Variants in AK5 observed in about 807,000 individuals in gnomAD.
The protein encoded by AK5 is adenylate kinase 5, also known as adenylate kinase isoenzyme 5.
AK5 carries 27 observed loss-of-function variants against 69.5 expected under a neutral mutation model. That is an observed-to-expected ratio of 0.39 (90% CI 0.29 to 0.54). The LOEUF is 0.54. Ranked by LOEUF, AK5 falls within the 20% of genes least tolerant of loss-of-function variation. The pLI is 0.71. For missense variants in AK5, 531 were observed against 700.4 expected (o/e 0.76, Z 2.73); for synonymous variants, 260 against 244.4 (o/e 1.06, Z -0.60).
At chr1:77,339,341 C>T (rs778367448) in intron 5 of AK5, among the ~76,000 whole-genome samples, 15 of 152,186 alleles carry the variant, frequency 9.9e-5, no homozygotes, top group African/African-American at 4.8e-5. Flanking sequence ...TTCATATAGT[C>T]GTGCTATGTT....
intron 6 of AK5, among the ~76,000 whole-genome samples, chr1:77,350,676 T>G (rs1366977972): frequency 2.0e-5 from 3 of 152,120 alleles, no homozygotes; most frequent in Non-Finnish European, 4.4e-5. Flanking sequence ...ATTGGAAAAG[T>G]TCTCTAAGGG....
chr1:77,292,866 A>T (rs1418250682), intron 2 of AK5, among the ~76,000 whole-genome samples: 1 of 152,130 alleles, frequency 6.6e-6, no homozygotes, highest in East Asian at 1.9e-4. Context: ...TATCAGAGAG[A>T]TACTCATTTT....
At chr1:77,324,482 G>A (rs1457306635) in intron 5 of AK5, among the ~76,000 whole-genome samples, 2 of 152,052 alleles carry the variant, frequency 1.3e-5, no homozygotes, top group Admixed American at 6.6e-5. Flanking sequence ...AAATTGCAAC[G>A]ACTGCCTAAC....
At chr1:77,432,782 G>A (rs1256447382) in intron 8 of AK5, among the ~76,000 whole-genome samples, 1 of 152,134 alleles carries the variant, frequency 6.6e-6, no homozygotes, top group African/African-American at 2.4e-5. Flanking sequence ...TACCTAAGAG[G>A]TCATGTTCTT....
intron 5 of AK5, among the ~76,000 whole-genome samples, chr1:77,330,497 T>A (rs1661033888): frequency 6.6e-6 from 1 of 152,218 alleles, no homozygotes; most frequent in Non-Finnish European, 1.5e-5. Flanking sequence ...TTGAAAAGAC[T>A]GTCCTTTTCC....
At chr1:77,482,637 G>A (rs749847997) in intron 8 of AK5, among the ~76,000 whole-genome samples, 2 of 151,938 alleles carry the variant, frequency 1.3e-5, no homozygotes, top group Non-Finnish European at 2.9e-5. Context: ...GCGCAGCACG[G>A]TGGTACATGC....
intron 8 of AK5, among the ~76,000 whole-genome samples, chr1:77,439,153 T>C (rs1652150241): frequency 6.6e-6 from 1 of 152,152 alleles, no homozygotes; most frequent in Non-Finnish European, 1.5e-5. Context: ...AGAGAGACTC[T>C]CTGAAAGAAA....
At chr1:77,400,209 G>C (rs1438068450) in intron 6 of AK5, among the ~76,000 whole-genome samples, 5 of 152,154 alleles carry the variant, frequency 3.3e-5, no homozygotes, top group Admixed American at 6.5e-5. Context: ...GCTTTGTTCT[G>C]CAAGTGCCCA....
intron 8 of AK5, among the ~76,000 whole-genome samples, chr1:77,457,626 G>T (rs1653575268): frequency 6.6e-6 from 1 of 152,058 alleles, no homozygotes; most frequent in Non-Finnish European, 1.5e-5. Context: ...ATCTTTCTGA[G>T]AATAATGTTT....
intron 6 of AK5, among the ~76,000 whole-genome samples, chr1:77,404,400 T>C (rs142029045): frequency 3.9e-5 from 6 of 152,070 alleles, no homozygotes; most frequent in Non-Finnish European, 8.8e-5. Flanking sequence ...CGTTTCTGCT[T>C]GTTAAGTATC....
At position 77,559,332 on chromosome 1, in the gene AK5, T is replaced by TA. The variant is rs1553164240; in HGVS notation, c.*663dup. 1 of 152,100 alleles carries TA rather than the reference T, an allele frequency of 6.6e-6. No homozygotes were observed. The highest frequency in any genetic ancestry group is 2.1e-4 in the South Asian group (1 of 4,810). 9.4% of individuals were successfully genotyped at this position (152,100 alleles called of 1,614,324 possible). On this transcript the variant is annotated 3_prime_UTR_variant, in exon 14 of 14. Coordinates refer to ENST00000354567, the MANE Select transcript of AK5 (RefSeq NM_174858.3). ...AGTCATCAGTAACCTTCTCTATTAT[T>TA]ATTATTTTTTAGAAACTTGGAATAC...
intron 2 of AK5, among the ~76,000 whole-genome samples, chr1:77,290,152 A>G (rs370428083): frequency 4.6e-5 from 7 of 152,330 alleles, no homozygotes; most frequent in Admixed American, 4.6e-4. Flanking sequence ...CTATGGTGGT[A>G]AGAATGTTGC....
chr1:77,463,939 GTA>G (rs1653990793), intron 8 of AK5, among the ~76,000 whole-genome samples: 1 of 152,178 alleles, frequency 6.6e-6, no homozygotes, highest in Non-Finnish European at 1.5e-5. Flanking sequence ...AGTCCAATAG[GTA>G]TCCAGTATAT....
At chr1:77,343,793 C>A (rs1192201586) in intron 6 of AK5, among the ~76,000 whole-genome samples, 1 of 152,136 alleles carries the variant, frequency 6.6e-6, no homozygotes, top group East Asian at 1.9e-4. Context: ...TTTTATATTT[C>A]TTTGTCTTTC....
At chr1:77,294,271 G>T (rs1264997438) in intron 3 of AK5, among the ~76,000 whole-genome samples, 5 of 151,942 alleles carry the variant, frequency 3.3e-5, no homozygotes, top group Non-Finnish European at 7.4e-5. Flanking sequence ...ATTTAATCTT[G>T]ATCACAGATA....
At chr1:77,541,257 C>G (rs1659255796) in intron 13 of AK5, among the ~76,000 whole-genome samples, 1 of 152,014 alleles carries the variant, frequency 6.6e-6, no homozygotes, top group African/African-American at 2.4e-5. Context: ...AAACCCATCT[C>G]TACAAAAAAT....
chr1:77,289,213 A>C (rs527613471), intron 2 of AK5, among the ~76,000 whole-genome samples: 1 of 152,208 alleles, frequency 6.6e-6, no homozygotes, highest in African/African-American at 2.4e-5. Flanking sequence ...CAAACTGTGC[A>C]GACACAGCTT....
At chr1:77,468,570 T>A (rs1654284775) in intron 8 of AK5, among the ~76,000 whole-genome samples, 1 of 152,264 alleles carries the variant, frequency 6.6e-6, no homozygotes, top group African/African-American at 2.4e-5. Flanking sequence ...CTCTCATGCT[T>A]GCTTTTCTGT....
chr1:77,303,710 G>A (rs1016579160), intron 5 of AK5, among the ~76,000 whole-genome samples: 1 of 152,132 alleles, frequency 6.6e-6, no homozygotes, highest in Non-Finnish European at 1.5e-5. Flanking sequence ...GATCCTCAGA[G>A]GTTTAAGAGC....
Sources: gnomAD v4.1 joint callset for allele counts (sites outside exome capture counted in the v4.1 genomes callset) on GRCh38, gnomAD v4.1.1 for gene constraint, MANE v1.5 for transcripts, NCBI Gene and HGNC (gene_info 2026-07-23, HGNC 2026-07-21) for gene names.